Variants in MAGI2 observed in about 807,000 individuals in gnomAD.
MAGI2 encodes the protein membrane-associated guanylate kinase, WW and PDZ domain-containing protein 2.
MAGI2 carries 35 observed loss-of-function variants against 133.3 expected under a neutral mutation model. That is an observed-to-expected ratio of 0.26 (90% CI 0.20 to 0.35). The LOEUF (loss-of-function observed/expected upper bound fraction) is 0.35, where lower values mean the gene tolerates loss of function less well. Ranked by LOEUF, MAGI2 falls within the 10% of genes least tolerant of loss-of-function variation. The probability of loss-of-function intolerance (pLI) is 1.00; values close to 1 mark genes in which losing one functional copy is unlikely to be tolerated. For missense variants in MAGI2, 1,636 were observed against 1,863.4 expected, an observed-to-expected ratio of 0.88 and a Z score of 2.25; for synonymous variants, 729 against 710.6, an observed-to-expected ratio of 1.03 and a Z score of -0.41.
intron 2 of MAGI2, among the ~76,000 whole-genome samples, chr7:78,627,847 G>T (rs38118): frequency 0.83 from 125,565 of 152,172 alleles, 52,326 homozygotes; most frequent in Middle Eastern, 0.93. Flanking sequence ...AGTAGTGTGA[G>T]GCTGGGAATA....
At chr7:79,105,383 C>T (rs934016638) in intron 1 of MAGI2, among the ~76,000 whole-genome samples, 4 of 152,128 alleles carry the variant, frequency 2.6e-5, no homozygotes, top group African/African-American at 9.7e-5. Context: ...AAGGTCTTAA[C>T]TGAGATCGCT....
intron 1 of MAGI2, among the ~76,000 whole-genome samples, chr7:79,448,472 T>C (rs1366803535): frequency 1.3e-5 from 2 of 152,134 alleles, no homozygotes; most frequent in Non-Finnish European, 1.5e-5. Context: ...ATCTACATAA[T>C]GCTTATCACC....
At chr7:78,046,233 TA>T (rs59275049) in intron 21 of MAGI2, among the ~76,000 whole-genome samples, 561 of 117,728 alleles carry the variant, frequency 4.8e-3, no homozygotes, top group South Asian at 9.8e-3. Context: ...CTGTCTCTAC[TA>T]AAAAAAAAAA....
chr7:79,297,678 C>T (rs1281299099), intron 1 of MAGI2, among the ~76,000 whole-genome samples: 1 of 152,076 alleles, frequency 6.6e-6, no homozygotes, highest in Admixed American at 6.6e-5. Context: ...AATATAAATC[C>T]AGAGAAATAA....
intron 1 of MAGI2, among the ~76,000 whole-genome samples, chr7:79,198,061 A>G (rs1371170651): frequency 6.6e-6 from 1 of 151,858 alleles, no homozygotes; most frequent in Non-Finnish European, 1.5e-5. Context: ...AGCCTGGGCA[A>G]TATAGTGAGA....
chr7:78,752,869 A>G lies in MAGI2; in HGVS notation c.419-125630T>C, dbSNP rs1823584747. Among the ~76,000 whole-genome samples, 3 of 152,302 alleles carry G rather than the reference A, an allele frequency of 2.0e-5. No homozygotes were observed. The South Asian group carries it at 6.2e-4, about 32-fold the overall frequency. On this transcript the variant is annotated intron_variant, in intron 2 of 21. Coordinates refer to ENST00000354212, the MANE Select transcript of MAGI2 (RefSeq NM_012301.4). ...GTCCAAATATCTGGCTAAGTCCTGA[A>G]CTACCTCTGTCTATGCAGAGTCCAG...
intron 2 of MAGI2, among the ~76,000 whole-genome samples, chr7:78,812,931 T>C (rs1359132248): frequency 2.0e-5 from 3 of 152,150 alleles, no homozygotes; most frequent in Admixed American, 1.3e-4. Context: ...TCATCAAGAA[T>C]TGAAACACAT....
intron 3 of MAGI2, among the ~76,000 whole-genome samples, chr7:78,572,197 T>C (rs1247199479): frequency 2.0e-5 from 3 of 152,184 alleles, no homozygotes; most frequent in African/African-American, 7.2e-5. Flanking sequence ...TCAGTGGCGT[T>C]CATGTTTCTT....
chr7:78,152,256 A>C (rs1823953014), intron 16 of MAGI2, among the ~76,000 whole-genome samples: 2 of 152,190 alleles, frequency 1.3e-5, no homozygotes, highest in South Asian at 4.1e-4. Context: ...GCATAAGAGA[A>C]GCATACCAAG....
chr7:79,301,257 C>T (rs903242865), intron 1 of MAGI2, among the ~76,000 whole-genome samples: 3 of 152,222 alleles, frequency 2.0e-5, no homozygotes, highest in Non-Finnish European at 4.4e-5. Flanking sequence ...CTGGGCTCTG[C>T]ACCTGGAAAA....
intron 2 of MAGI2, among the ~76,000 whole-genome samples, chr7:78,979,883 T>A (rs142617691): frequency 6.6e-6 from 1 of 151,966 alleles, no homozygotes; most frequent in Admixed American, 6.6e-5. Flanking sequence ...TTTCTGTAAA[T>A]CTAAGACAAT....
chr7:79,381,911 T>C (rs1183300432), intron 1 of MAGI2, among the ~76,000 whole-genome samples: 1 of 151,798 alleles, frequency 6.6e-6, no homozygotes, highest in Non-Finnish European at 1.5e-5. Flanking sequence ...ACTATTAAAC[T>C]GAAATAGAAA....
chr7:79,119,422 C>G (rs1015425145), intron 1 of MAGI2, among the ~76,000 whole-genome samples: 1 of 152,154 alleles, frequency 6.6e-6, no homozygotes, highest in South Asian at 2.1e-4. Context: ...GGAATGAATA[C>G]CATTTGCCTG....
chr7:78,860,966 G>A (rs1333698146), intron 2 of MAGI2, among the ~76,000 whole-genome samples: 2 of 152,122 alleles, frequency 1.3e-5, no homozygotes, highest in South Asian at 2.1e-4. Flanking sequence ...CCCAAGCCTC[G>A]CTGCCAAGTT....
chr7:79,287,730 G>A (rs957300186), intron 1 of MAGI2, among the ~76,000 whole-genome samples: 1 of 152,054 alleles, frequency 6.6e-6, no homozygotes, highest in Non-Finnish European at 1.5e-5. Context: ...TTCAGCTTCA[G>A]TTATTTTTAT....
At chr7:79,334,647 A>C (rs1840308026) in intron 1 of MAGI2, among the ~76,000 whole-genome samples, 3 of 152,172 alleles carry the variant, frequency 2.0e-5, no homozygotes, top group South Asian at 4.1e-4. Flanking sequence ...AGAAATAGTA[A>C]TGTTGTATTA....
chr7:78,478,288 G>GA (rs1406422625), intron 6 of MAGI2, among the ~76,000 whole-genome samples: 1 of 151,804 alleles, frequency 6.6e-6, no homozygotes, highest in East Asian at 1.9e-4. Flanking sequence ...TCATCTAAAG[G>GA]AAAAATATTT....
chr7:79,139,745 C>A (rs2129546075), intron 1 of MAGI2: 1 of 152,286 alleles, frequency 6.6e-6, no homozygotes, highest in African/African-American at 2.4e-5. Context: ...CACATTATTA[C>A]CTGGATTCAA....
intron 2 of MAGI2, among the ~76,000 whole-genome samples, chr7:78,793,564 T>C (rs556638635): frequency 6.6e-6 from 1 of 152,274 alleles, no homozygotes; most frequent in African/African-American, 2.4e-5. Flanking sequence ...TGGTTCAATA[T>C]TTGGAAATCT....
Sources: gnomAD v4.1 joint callset for allele counts (sites outside exome capture counted in the v4.1 genomes callset) on GRCh38, gnomAD v4.1.1 for gene constraint, MANE v1.5 for transcripts, NCBI Gene and HGNC (gene_info 2026-07-23, HGNC 2026-07-21) for gene names.